GPC5: variants seen among roughly 807,000 people sequenced by gnomAD.
GPC5 encodes the protein glypican-5.
Under a neutral mutation model 53.9 loss-of-function variants are expected in GPC5, and 47 were observed. The observed-to-expected ratio is 0.87, with a 90% CI of 0.69 to 1.11. The LOEUF (loss-of-function observed/expected upper bound fraction) is 1.11, where lower values mean the gene tolerates loss of function less well. Among genes scored for constraint, GPC5 ranks in the 50% most tolerant of loss-of-function variants. GPC5 has a pLI of 0.00. For missense variants in GPC5, 748 were observed against 713.1 expected (o/e 1.05, Z -0.56); for synonymous variants, 286 against 263.3 (o/e 1.09, Z -0.84).
At chr13:91,476,604 A>G (rs1372418043) in intron 2 of GPC5, among the ~76,000 whole-genome samples, 3 of 152,208 alleles carry the variant, frequency 2.0e-5, no homozygotes, top group Admixed American at 1.3e-4. Context: ...TGATGCAGAA[A>G]AGGCAGTAAC....
At position 91,797,810 on chromosome 13, in the gene GPC5, C is replaced by T. The variant is rs560190647; in HGVS notation, c.1280+41390C>T. 3.3e-5 allele frequency among the ~76,000 whole-genome samples: 5 copies of T among 152,230 alleles called. No individual in the cohort carries two copies. In the South Asian group the frequency reaches 1.0e-3, roughly 32 times the overall value. On this transcript the variant is annotated intron_variant, in intron 5 of 7. Coordinates refer to ENST00000377067, the MANE Select transcript of GPC5 (RefSeq NM_004466.6). Reference sequence around the variant, plus strand: ...ACAGCTGAGATGCTTGTGATACCTTCGCTGGCCCGGTGGTCTTGTTATTTG... The same window carrying T: ...ACAGCTGAGATGCTTGTGATACCTTTGCTGGCCCGGTGGTCTTGTTATTTG...
intron 1 of GPC5, among the ~76,000 whole-genome samples, chr13:91,438,428 C>T (rs1373495287): frequency 6.6e-6 from 1 of 152,190 alleles, no homozygotes; most frequent in Non-Finnish European, 1.5e-5. Flanking sequence ...GAGGTCCACT[C>T]CAGACCGTGT....
chr13:92,474,130 T>A (rs928829804), intron 7 of GPC5, among the ~76,000 whole-genome samples: 9 of 143,392 alleles, frequency 6.3e-5, no homozygotes, highest in African/African-American at 2.1e-4. Flanking sequence ...TGCTTTCAAA[T>A]TAATAGCCAT....
chr13:91,897,502 A>C (rs1265994203), intron 5 of GPC5, among the ~76,000 whole-genome samples: 3 of 152,156 alleles, frequency 2.0e-5, no homozygotes, highest in Non-Finnish European at 4.4e-5. Flanking sequence ...AGGTGTTCAT[A>C]ATGAAAGCTA....
rs1182250552 is a variant in GPC5 at position 91,693,727 on chromosome 13, A to C, written c.866A>C (p.Asn289Thr). The change falls in exon 3 of 8, where the codon AAT becomes ACT. Residue 289 changes from asparagine to threonine, a missense_variant. Coordinates refer to ENST00000377067, the MANE Select transcript of GPC5 (RefSeq NM_004466.6). ...RGCLAHMAEL[N>T]PHWHAYIRSL... Reference sequence around the variant, plus strand: ...TGCCTGGCGCACATGGCGGAGCTTAATCCACACTGGCATGCATATATCCGG... The same window carrying C: ...TGCCTGGCGCACATGGCGGAGCTTACTCCACACTGGCATGCATATATCCGG... 2 of 1,614,150 alleles carry C rather than the reference A, an allele frequency of 1.2e-6. No individual in the cohort carries two copies. The highest frequency in any genetic ancestry group is 4.5e-5 in the East Asian group (2 of 44,854).
At chr13:91,515,796 G>A (rs1037934282) in intron 2 of GPC5, among the ~76,000 whole-genome samples, 16 of 151,928 alleles carry the variant, frequency 1.1e-4, no homozygotes, top group African/African-American at 2.2e-4. Context: ...CTGTTTTCAC[G>A]CTTCTGATAA....
At chr13:92,489,782 G>A (rs762216977) in intron 7 of GPC5, among the ~76,000 whole-genome samples, 2 of 151,940 alleles carry the variant, frequency 1.3e-5, no homozygotes, top group Non-Finnish European at 2.9e-5. Flanking sequence ...GGTACAGACA[G>A]AGCTGGGACT....
intron 4 of GPC5, among the ~76,000 whole-genome samples, chr13:91,755,846 G>A (rs1044995157): frequency 2.0e-5 from 3 of 152,030 alleles, no homozygotes; most frequent in African/African-American, 7.2e-5. Flanking sequence ...CACTTGGCAT[G>A]TTGTAAGTCT....
At chr13:92,353,828 C>A (rs1034004327) in intron 7 of GPC5, among the ~76,000 whole-genome samples, 1 of 152,090 alleles carries the variant, frequency 6.6e-6, no homozygotes, top group South Asian at 2.1e-4. Context: ...CTATTCTATT[C>A]CAAAACCTAT....
At chr13:91,617,522 C>T (rs1239764137) in intron 2 of GPC5, among the ~76,000 whole-genome samples, 1 of 152,038 alleles carries the variant, frequency 6.6e-6, no homozygotes, top group Non-Finnish European at 1.5e-5. Flanking sequence ...GTAGTAAAGC[C>T]AGTTGCAAAT....
chr13:91,611,543 C>T (rs2033549285), intron 2 of GPC5, among the ~76,000 whole-genome samples: 1 of 152,190 alleles, frequency 6.6e-6, no homozygotes. Flanking sequence ...CAGCTAGCTG[C>T]TGGCTCTTCT....
intron 2 of GPC5, among the ~76,000 whole-genome samples, chr13:91,631,627 T>C (rs1409085246): frequency 6.6e-6 from 1 of 152,016 alleles, no homozygotes; most frequent in Non-Finnish European, 1.5e-5. Flanking sequence ...TAGGCAACGC[T>C]CAAAGGGAGG....
chr13:91,621,566 G>A (rs2033855769), intron 2 of GPC5, among the ~76,000 whole-genome samples: 1 of 151,952 alleles, frequency 6.6e-6, no homozygotes, highest in African/African-American at 2.4e-5. Flanking sequence ...GGTCCTGATA[G>A]TCATTTTACC....
intron 7 of GPC5, among the ~76,000 whole-genome samples, chr13:92,483,960 A>G (rs2139436271): frequency 6.6e-6 from 1 of 152,054 alleles, no homozygotes; most frequent in Admixed American, 6.5e-5. Flanking sequence ...ACATAGCAAA[A>G]CCTTGTCTCT....
At chr13:91,435,938 T>G (rs997901659) in intron 1 of GPC5, among the ~76,000 whole-genome samples, 22 of 152,334 alleles carry the variant, frequency 1.4e-4, no homozygotes, top group African/African-American at 4.8e-4. Context: ...GTCGAGGAAT[T>G]TATCCATTTC....
intron 7 of GPC5, among the ~76,000 whole-genome samples, chr13:92,564,696 C>A (rs1296684589): frequency 6.6e-6 from 1 of 151,982 alleles, no homozygotes; most frequent in African/African-American, 2.4e-5. Flanking sequence ...CTCTAGCAGA[C>A]CCCACTGTCT....
chr13:92,045,017 A>G (rs980257471), intron 6 of GPC5, among the ~76,000 whole-genome samples: 3 of 152,222 alleles, frequency 2.0e-5, no homozygotes, highest in South Asian at 4.1e-4. Context: ...AGCAAGTCAG[A>G]GTGAGAAGAA....
At chr13:92,295,560 A>G (rs956980714) in intron 7 of GPC5, among the ~76,000 whole-genome samples, 3 of 152,122 alleles carry the variant, frequency 2.0e-5, no homozygotes. Flanking sequence ...GGAGTATTGA[A>G]GTCCCCCACT....
At chr13:92,424,728 C>G (rs1164826422) in intron 7 of GPC5, among the ~76,000 whole-genome samples, 1 of 151,852 alleles carries the variant, frequency 6.6e-6, no homozygotes, top group Admixed American at 6.6e-5. Context: ...GGATATTCCT[C>G]AAGACTTGCT....
Sources: allele counts gnomAD v4.1 joint callset (sites outside exome capture counted in the v4.1 genomes callset), GRCh38; gene constraint gnomAD v4.1.1; transcripts MANE v1.5; gene names NCBI Gene and HGNC (gene_info 2026-07-23, HGNC 2026-07-21).